Variants in ZFP2 observed in about 807,000 individuals in gnomAD.
ZFP2 encodes zinc finger protein ZFP2.
A neutral mutation model predicts 36.1 loss-of-function variants in ZFP2; 33 were observed. That is an observed-to-expected ratio of 0.92 (90% CI 0.69 to 1.22). The LOEUF (loss-of-function observed/expected upper bound fraction) is 1.22, where lower values mean the gene tolerates loss of function less well. Ranked by LOEUF, ZFP2 falls within the 50% of genes most tolerant of loss-of-function variation. The probability of loss-of-function intolerance (pLI) is 0.00; values close to 1 mark genes in which losing one functional copy is unlikely to be tolerated. For missense variants in ZFP2, 522 were observed against 551.4 expected (o/e 0.95, Z 0.53); for synonymous variants, 170 against 178.0 (o/e 0.96, Z 0.36).
At chr5:178,899,181 A>G (rs998656892) in intron 1 of ZFP2, among the ~76,000 whole-genome samples, 1 of 152,164 alleles carries the variant, frequency 6.6e-6, no homozygotes, top group African/African-American at 2.4e-5. Flanking sequence ...TCCCAGCTCT[A>G]CCATTTAATA....
At position 178,920,493 on chromosome 5, in the gene ZFP2, C is replaced by T. The variant is rs1009703690; in HGVS notation, c.-78+3783C>T. Among the ~76,000 whole-genome samples, 5 of 152,078 alleles carry T rather than the reference C, an allele frequency of 3.3e-5. No homozygotes were observed. The East Asian group carries it at 5.8e-4, about 18-fold the overall frequency. The stretch of plus-strand genomic sequence containing the variant: ...CTTTCCTAAAAATACAAAAATTAGC[C>T]GGGCATGGTGGCGTGTACCTGTAGT... On this transcript the variant is annotated intron_variant, in intron 4 of 4. Transcript: ENST00000361362.
intron 1 of ZFP2, chr5:178,910,229 C>G: frequency 1.3e-6 from 2 of 1,580,828 alleles, no homozygotes; most frequent in Non-Finnish European, 1.7e-6. Context: ...ACTTCCAAGC[C>G]AAGAGCAGCA....
intron 4 of ZFP2, among the ~76,000 whole-genome samples, chr5:178,926,795 G>A (rs1488897213): frequency 6.6e-6 from 1 of 152,018 alleles, no homozygotes; most frequent in Non-Finnish European, 1.5e-5. Context: ...TGGGATTACA[G>A]GTGTCAGCCA....
chr5:178,901,260 C>T (rs1365352633), intron 1 of ZFP2, among the ~76,000 whole-genome samples: 1 of 152,198 alleles, frequency 6.6e-6, no homozygotes, highest in African/African-American at 2.4e-5. Context: ...ATTGTACATT[C>T]CCTCCTGCAG....
At chr5:178,913,833 A>G (rs1269202794) in intron 3 of ZFP2, 1 of 151,052 alleles carries the variant, frequency 6.6e-6, no homozygotes, top group African/African-American at 2.4e-5. Flanking sequence ...CCATGTGCAA[A>G]AGTACCAATC....
intron 4 of ZFP2, among the ~76,000 whole-genome samples, chr5:178,921,538 T>A (rs1355789481): frequency 6.7e-6 from 1 of 149,512 alleles, no homozygotes; most frequent in African/African-American, 2.4e-5. Flanking sequence ...ACCAGAGGAT[T>A]GCTTAAGTGC....
chr5:178,907,079 G>A (rs1207526273), intron 1 of ZFP2, among the ~76,000 whole-genome samples: 2 of 152,050 alleles, frequency 1.3e-5, no homozygotes, highest in Non-Finnish European at 2.9e-5. Context: ...AGGCAGTCTG[G>A]CCAAAGCTGG....
chr5:178,925,140 CACACACACA>C (rs1758642673), intron 4 of ZFP2, among the ~76,000 whole-genome samples: 1 of 135,558 alleles, frequency 7.4e-6, no homozygotes, highest in Non-Finnish European at 1.7e-5. Flanking sequence ...CACACACACA[CACACACACA>C]CATATATATA....
At chr5:178,906,881 T>TC (rs1554106020) in intron 1 of ZFP2, among the ~76,000 whole-genome samples, 4 of 149,228 alleles carry the variant, frequency 2.7e-5, no homozygotes, top group Non-Finnish European at 4.5e-5. Context: ...TTTTTTTTTT[T>TC]AATAAGTTTT....
chr5:178,908,037 C>T (rs1758200936), intron 1 of ZFP2, among the ~76,000 whole-genome samples: 1 of 152,232 alleles, frequency 6.6e-6, no homozygotes, highest in African/African-American at 2.4e-5. Flanking sequence ...AGGGGGTTGT[C>T]ACCAGACTAC....
chr5:178,917,512 G>A (rs1758460754), intron 4 of ZFP2, among the ~76,000 whole-genome samples: 1 of 152,106 alleles, frequency 6.6e-6, no homozygotes. Context: ...CTACTCAGGA[G>A]GCTGAAGCGT....
Position 178,923,227 on chromosome 5 carries a change from C to T in ZFP2, c.-78+6517C>T, listed in dbSNP as rs13185543. The stretch of plus-strand genomic sequence containing the variant: ...ATTCACATTGTTGTGGAACCAGCAC[C>T]GCCATCCGTCTCCAGAACTTTTTCA... On this transcript the variant is annotated intron_variant, in intron 4 of 4. Transcript: ENST00000361362. Among the ~76,000 whole-genome samples the T allele has an allele frequency of 5.2e-3, 779 of 149,514 alleles. 77 individuals carry two copies. Among genetic ancestry groups the T allele is most frequent in the Non-Finnish European group, 8.8e-3 (585 of 66,542 alleles).
rs772300253 is a variant in ZFP2, at chr5:178,925,613, G to A, written c.-77-5624G>A. On this transcript the variant is annotated intron_variant, in intron 4 of 4. Coordinates refer to ENST00000361362, the MANE Select transcript of ZFP2 (RefSeq NM_030613.4). ...TGGGCGGATGTGGTAATGGCATCTT[G>A]TTGCGGCTTTAATCGGCTTTCCCTT... Among the ~76,000 whole-genome samples the A allele has an allele frequency of 5.4e-5, 8 of 149,430 alleles. 1 individual carries two copies. Among genetic ancestry groups the A allele is most frequent in the Non-Finnish European group, 1.1e-4 (7 of 66,588 alleles).
chr5:178,905,491 A>T (rs1356724988), intron 1 of ZFP2, among the ~76,000 whole-genome samples: 1 of 152,228 alleles, frequency 6.6e-6, no homozygotes, highest in African/African-American at 2.4e-5. Context: ...ATCATTTATA[A>T]TGTCCTTATT....
rs80147323 is a variant in ZFP2 at position 178,910,537 on chromosome 5, G to T, written c.-449-2047G>T. 1.0e-3 allele frequency: 550 copies of T among 541,536 alleles called. 1 individual carries two copies. Among genetic ancestry groups the T allele is most frequent in the African/African-American group, 9.4e-3 (498 of 52,952 alleles). 33.5% of individuals were successfully genotyped at this position (541,536 alleles called of 1,614,324 possible). On this transcript the variant is annotated intron_variant, in intron 1 of 4. Coordinates refer to ENST00000361362, the MANE Select transcript of ZFP2 (RefSeq NM_030613.4). ...GCCTGCTGTGTGACTTCTTGCTGGG[G>T]TCATGGTCTGCATTCTTGCTGCCCA...
At chr5:178,907,621 G>GATAA (rs10687726) in intron 1 of ZFP2, among the ~76,000 whole-genome samples, 92,600 of 149,986 alleles carry the variant, frequency 0.62, 29,097 homozygotes, top group East Asian at 0.92. Context: ...TATTCAAAGA[G>GATAA]ATAAATAAAT....
intron 3 of ZFP2, among the ~76,000 whole-genome samples, chr5:178,914,173 T>C (rs1251477715): frequency 6.6e-6 from 1 of 152,188 alleles, no homozygotes; most frequent in Non-Finnish European, 1.5e-5. Flanking sequence ...TTTCTTTGTA[T>C]ATTTTTTTTA....
At position 178,932,170 on chromosome 5, in the gene ZFP2, C is replaced by A. The variant is rs116376577; in HGVS notation, c.857C>A (p.Thr286Asn). 1,144 of 1,613,454 alleles carry A rather than the reference C, an allele frequency of 7.1e-4. No individual in the cohort carries two copies. Among genetic ancestry groups the A allele is most frequent in the Non-Finnish European group, 9.3e-4 (1,100 of 1,179,520 alleles). Residue 286 changes from threonine (T) to asparagine (N), a missense_variant, in exon 5 of 5, where the codon ACC becomes AAC. Transcript: ENST00000361362. ...GKAFSKSSTL[T>N]LHQRNHTGEK... ...GCCTTTAGTAAGAGCTCAACTCTTA[C>A]CCTACATCAGCGAAATCACACTGGA...
chr5:178,924,627 G>A (rs556607653), intron 4 of ZFP2, among the ~76,000 whole-genome samples: 2 of 148,606 alleles, frequency 1.3e-5, no homozygotes, highest in East Asian at 3.9e-4. Flanking sequence ...ATCACCTGAG[G>A]TCAGGAGTTC....
Sources: gnomAD v4.1 joint callset for allele counts (sites outside exome capture counted in the v4.1 genomes callset) on GRCh38, gnomAD v4.1.1 for gene constraint, MANE v1.5 for transcripts, NCBI Gene and HGNC (gene_info 2026-07-23, HGNC 2026-07-21) for gene names.